The following LGR5 variants were observed in gnomAD, a reference collection of about 807,000 sequenced individuals.
LGR5 encodes leucine-rich repeat-containing G protein-coupled receptor 5.
In LGR5, 54 loss-of-function variants were observed where a neutral mutation model predicts 76.7. The observed-to-expected ratio is 0.70, with a 90% CI of 0.57 to 0.88. The LOEUF (loss-of-function observed/expected upper bound fraction) is 0.88. Among genes scored for constraint, LGR5 ranks in the 40% least tolerant of loss-of-function variants. The probability of loss-of-function intolerance (pLI) is 0.00; values close to 1 mark genes in which losing one functional copy is unlikely to be tolerated. For synonymous variants in LGR5, 406 were observed against 421.9 expected (o/e 0.96, Z 0.46); for missense variants, 1,078 against 1,073.3 (o/e 1.00, Z -0.06).
Position 71,559,610 on chromosome 12 carries a change from T to A in LGR5, c.741T>A (p.Asp247Glu). 1 of 1,574,976 alleles carries A rather than the reference T, an allele frequency of 6.3e-7. No homozygotes were observed. The highest frequency in any genetic ancestry group is 1.1e-5 in the South Asian group (1 of 90,158). Residue 247 changes from aspartate to glutamate, a missense_variant, in exon 7 of 18, where the codon GAT (aspartate) becomes GAA (glutamate). Physicochemically the swap from Asp to Glu is conservative, Grantham distance 45. Transcript: ENST00000266674. ...GAGATTTAAATTACAATAACCTTGA[T>A]GAATTCCCCACTGCAATTAGGACAC... is the stretch of plus-strand genomic sequence containing the variant. The part of the protein sequence containing the change: ...ETLDLNYNNL[D>E]EFPTAIRTLS...
chr12:71,507,769 G>C (rs12582080), intron 2 of LGR5, among the ~76,000 whole-genome samples: 11,495 of 152,078 alleles, frequency 0.076, 960 homozygotes, highest in East Asian at 0.43. Context: ...GTGTTTGTGT[G>C]TGTGTTATGA....
At chr12:71,534,454 A>G (rs939119717) in intron 3 of LGR5, among the ~76,000 whole-genome samples, 1 of 152,290 alleles carries the variant, frequency 6.6e-6, no homozygotes, top group East Asian at 1.9e-4. Context: ...GCCTCCTACC[A>G]TTATCCTTAT....
At chr12:71,538,665 G>T (rs1876724307) in intron 4 of LGR5, among the ~76,000 whole-genome samples, 1 of 152,092 alleles carries the variant, frequency 6.6e-6, no homozygotes, top group Admixed American at 6.5e-5. Flanking sequence ...CTTGAGTAAT[G>T]CAGTGAGATG....
chr12:71,455,590 C>T (rs1872437935), intron 1 of LGR5, among the ~76,000 whole-genome samples: 1 of 152,188 alleles, frequency 6.6e-6, no homozygotes, highest in African/African-American at 2.4e-5. Flanking sequence ...AACAAGCAGA[C>T]CTTCTTTCTG....
intron 13 of LGR5, among the ~76,000 whole-genome samples, chr12:71,575,890 A>G (rs1236738248): frequency 6.6e-6 from 1 of 152,250 alleles, no homozygotes; most frequent in Non-Finnish European, 1.5e-5. Flanking sequence ...TATATACACC[A>G]TGGAATACTA....
chr12:71,566,370 C>A, intron 8 of LGR5, 34 bp from the exon 9 acceptor site: 2 of 1,354,728 alleles, frequency 1.5e-6, no homozygotes, highest in Non-Finnish European at 2.1e-6. Flanking sequence ...AAATTTTATA[C>A]TAAGATATTA....
chr12:71,491,587 A>G lies in LGR5; in HGVS notation c.213-13027A>G, dbSNP rs181044652. On this transcript the variant is annotated intron_variant, in intron 1 of 17. Transcript: ENST00000266674. ...AAGAACATAACTATAAATTATTTAC[A>G]TATTAAATAGTAGTAGAATTTCTAG... 1.4e-4 allele frequency among the ~76,000 whole-genome samples: 22 copies of G among 151,972 alleles called. 1 individual carries two copies. The East Asian group carries it at 4.3e-3, about 29-fold the overall frequency.
At chr12:71,468,582 T>A (rs1872954265) in intron 1 of LGR5, among the ~76,000 whole-genome samples, 1 of 152,142 alleles carries the variant, frequency 6.6e-6, no homozygotes, top group Non-Finnish European at 1.5e-5. Flanking sequence ...AGAAACAATT[T>A]TAAAGATTTA....
At chr12:71,581,995 T>G (rs760406072) in intron 16 of LGR5, among the ~76,000 whole-genome samples, 73 of 152,358 alleles carry the variant, frequency 4.8e-4, no homozygotes, top group African/African-American at 1.5e-3. Flanking sequence ...TTTTGTCCTC[T>G]GTTACACAGA....
rs951911792 is a variant in LGR5 at position 71,585,068 on chromosome 12, T to C, written c.*334T>C. The C allele has an allele frequency of 6.8e-5, 14 of 205,692 alleles. No individual in the cohort carries two copies. The highest frequency in any genetic ancestry group is 1.1e-4 in the Non-Finnish European group (11 of 102,008). 12.7% of individuals were successfully genotyped at this position (205,692 alleles called of 1,614,324 possible). A position where few individuals can be genotyped will look rare whatever the true frequency, so the allele number is the denominator to read the frequency against. The stretch of plus-strand genomic sequence containing the variant: ...CTTTAAACTCACCAATGTAATCATT[T>C]TGGGAGGAGGGAGAACCCACTTGCT... On this transcript the variant is annotated 3_prime_UTR_variant, in exon 18 of 18. Coordinates refer to ENST00000266674, the MANE Select transcript of LGR5 (RefSeq NM_003667.4).
chr12:71,553,410 G>A (rs1877596473), intron 5 of LGR5, 122 bp downstream of exon 5: 2 of 744,400 alleles, frequency 2.7e-6, no homozygotes, highest in Non-Finnish European at 4.6e-6. Context: ...AACCTCCTGA[G>A]CCCCTCCCCA....
At chr12:71,551,228 C>T (rs1054266802) in intron 4 of LGR5, among the ~76,000 whole-genome samples, 1 of 152,230 alleles carries the variant, frequency 6.6e-6, no homozygotes, top group East Asian at 1.9e-4. Context: ...CCTTCCCATT[C>T]AGTCTGTAGA....
intron 1 of LGR5, among the ~76,000 whole-genome samples, chr12:71,479,752 A>T (rs1334256563): frequency 2.0e-5 from 3 of 152,092 alleles, no homozygotes; most frequent in East Asian, 3.9e-4. Context: ...GTACAGAAAA[A>T]TCCCTGAGAA....
At chr12:71,540,819 A>G (rs1267620899) in intron 4 of LGR5, among the ~76,000 whole-genome samples, 1 of 152,172 alleles carries the variant, frequency 6.6e-6, no homozygotes, top group Non-Finnish European at 1.5e-5. Context: ...GACCAAAAGA[A>G]AGAAGATGAG....
rs1871720379 is a variant in LGR5 at position 71,440,582 on chromosome 12, T to A, written c.212+290T>A. 6.6e-6 allele frequency among the ~76,000 whole-genome samples: 1 copy of A among 152,168 alleles called. No individual in the cohort carries two copies. The highest frequency in any genetic ancestry group is 2.4e-5 in the African/African-American group (1 of 41,458). On this transcript the variant is annotated intron_variant, in intron 1 of 17. Transcript: ENST00000266674. The surrounding 1 kb of genome is among the most constrained non-coding windows in gnomAD (Gnocchi z 5.3). ...AGCGCTAGAAACATCGCAGGGCGAA[T>A]TCCTGCAAATGCAGGCATTTGCGTG...
At chr12:71,553,345 T>A (rs1877592537) in intron 5 of LGR5, 57 bp downstream of exon 5, 2 of 1,468,876 alleles carry the variant, frequency 1.4e-6, no homozygotes, top group South Asian at 1.1e-5. Flanking sequence ...TGGAAGACCT[T>A]GGCCTTAAAA....
intron 1 of LGR5, among the ~76,000 whole-genome samples, chr12:71,488,986 A>G (rs1239544639): frequency 2.0e-5 from 3 of 152,216 alleles, no homozygotes; most frequent in African/African-American, 7.2e-5. Flanking sequence ...ATTTTAAATA[A>G]AATTATTATT....
intron 3 of LGR5, among the ~76,000 whole-genome samples, chr12:71,532,186 GA>G (rs1876352618): frequency 6.6e-6 from 1 of 152,090 alleles, no homozygotes; most frequent in African/African-American, 2.4e-5. Flanking sequence ...GAAATACTTA[GA>G]AAACATTTTT....
chr12:71,510,937 AAG>A (rs1421092536), intron 2 of LGR5, among the ~76,000 whole-genome samples: 2 of 152,112 alleles, frequency 1.3e-5, no homozygotes, highest in Admixed American at 1.3e-4. Flanking sequence ...GGAGCAGAGT[AAG>A]AGAGAGGGAA....
Sources: allele counts gnomAD v4.1 joint callset (sites outside exome capture counted in the v4.1 genomes callset), GRCh38; gene constraint gnomAD v4.1.1; non-coding constraint Gnocchi (gnomAD v3.1); transcripts MANE v1.5; gene names NCBI Gene and HGNC (gene_info 2026-07-23, HGNC 2026-07-21).